HHAT: variants seen among roughly 807,000 people sequenced by gnomAD.
The protein encoded by HHAT is protein-cysteine N-palmitoyltransferase HHAT.
In HHAT, 47 loss-of-function variants were observed where a neutral mutation model predicts 70.8. That is an observed-to-expected ratio of 0.66 (90% CI 0.53 to 0.85). The LOEUF is 0.85. Among genes scored for constraint, HHAT ranks in the 40% least tolerant of loss-of-function variants. The pLI is 0.00. For synonymous variants in HHAT, 228 were observed against 247.6 expected (o/e 0.92, Z 0.74); for missense variants, 609 against 604.8 (o/e 1.01, Z -0.07).
chr1:210,435,283 T>C (rs2093348211), intron 7 of HHAT, among the ~76,000 whole-genome samples: 1 of 151,960 alleles, frequency 6.6e-6, no homozygotes, highest in Non-Finnish European at 1.5e-5. Context: ...ATTCCATTCA[T>C]GTTTCTATAA....
At chr1:210,402,729 G>A (rs1408542849) in intron 5 of HHAT, among the ~76,000 whole-genome samples, 1 of 152,276 alleles carries the variant, frequency 6.6e-6, no homozygotes, top group Non-Finnish European at 1.5e-5. Flanking sequence ...AAAATCTTGG[G>A]CAGTGTTGGG....
chr1:210,425,218 A>G (rs1470058611), intron 7 of HHAT, among the ~76,000 whole-genome samples: 3 of 151,686 alleles, frequency 2.0e-5, no homozygotes, highest in Non-Finnish European at 4.4e-5. Flanking sequence ...TTCCTTGTAC[A>G]TTTAAGTTCT....
chr1:210,611,986 G>A (rs1287887902), intron 10 of HHAT, among the ~76,000 whole-genome samples: 1 of 151,994 alleles, frequency 6.6e-6, no homozygotes, highest in African/African-American at 2.4e-5. Flanking sequence ...TTGTATCTCT[G>A]CCATGTTTTG....
At chr1:210,336,304 T>TTTTTTTTTTTTTTTTTTA (rs1377437318) in intron 1 of HHAT, among the ~76,000 whole-genome samples, 7 of 144,802 alleles carry the variant, frequency 4.8e-5, no homozygotes, top group Admixed American at 6.9e-5. Context: ...TTTTTTTTTT[T>TTTTTTTTTTTTTTTTTTA]TTTTTTAGAG....
At chr1:210,528,604 C>T (rs1020887771) in intron 9 of HHAT, among the ~76,000 whole-genome samples, 4 of 152,226 alleles carry the variant, frequency 2.6e-5, no homozygotes, top group African/African-American at 9.7e-5. Flanking sequence ...GAAACTTTCA[C>T]TAGCAAATGC....
intron 8 of HHAT, among the ~76,000 whole-genome samples, chr1:210,505,519 A>C (rs1441031765): frequency 3.3e-5 from 5 of 152,134 alleles, no homozygotes; most frequent in Admixed American, 2.6e-4. Context: ...GGGCAGATAC[A>C]CTTTCAGGTC....
intron 7 of HHAT, among the ~76,000 whole-genome samples, chr1:210,429,420 T>G (rs1402308043): frequency 6.6e-6 from 1 of 151,818 alleles, no homozygotes; most frequent in African/African-American, 2.4e-5. Flanking sequence ...CAACCATGTT[T>G]TAAAATGATA....
upstream of HHAT, among the ~76,000 whole-genome samples, chr1:210,327,959 C>T (rs1473545237): frequency 6.6e-6 from 1 of 152,138 alleles, no homozygotes; most frequent in Non-Finnish European, 1.5e-5. Context: ...AAAGATAGCT[C>T]CAGCTCTTGG....
chr1:210,535,356 T>C (rs1006287486), intron 9 of HHAT, among the ~76,000 whole-genome samples: 2 of 152,168 alleles, frequency 1.3e-5, no homozygotes. Flanking sequence ...TATTGTAAGG[T>C]TGATTACTAG....
chr1:210,457,253 A>C (rs1572576702), intron 7 of HHAT, among the ~76,000 whole-genome samples: 1 of 152,240 alleles, frequency 6.6e-6, no homozygotes, highest in East Asian at 1.9e-4. Context: ...ATTATTCTTG[A>C]TTCGTCTTTA....
chr1:210,553,811 C>T (rs1284916670), intron 9 of HHAT, among the ~76,000 whole-genome samples: 2 of 152,208 alleles, frequency 1.3e-5, no homozygotes, highest in African/African-American at 4.8e-5. Flanking sequence ...CCTCTTCCCA[C>T]CTCTTCCTCT....
chr1:210,545,426 C>CT (rs1573206804), intron 9 of HHAT, among the ~76,000 whole-genome samples: 2 of 130,962 alleles, frequency 1.5e-5, no homozygotes, highest in Admixed American at 9.0e-5. Flanking sequence ...GTCATGACTT[C>CT]TTTTTTTTCC....
At chr1:210,369,477 A>G (rs1159093846) in intron 3 of HHAT, among the ~76,000 whole-genome samples, 1 of 152,222 alleles carries the variant, frequency 6.6e-6, no homozygotes, top group Non-Finnish European at 1.5e-5. Flanking sequence ...GAAGATTTTT[A>G]AGATTTGGCT....
intron 7 of HHAT, among the ~76,000 whole-genome samples, chr1:210,430,658 T>C (rs2093216417): frequency 6.6e-6 from 1 of 151,896 alleles, no homozygotes; most frequent in Non-Finnish European, 1.5e-5. Flanking sequence ...TGAATGACAG[T>C]TAAGAATCAT....
At chr1:210,632,335 A>G (rs1304541021) in intron 11 of HHAT, among the ~76,000 whole-genome samples, 1 of 152,180 alleles carries the variant, frequency 6.6e-6, no homozygotes, top group African/African-American at 2.4e-5. Flanking sequence ...GACACACAAG[A>G]AGTGGGTTTA....
At chr1:210,487,923 C>A (rs2094497096) in intron 8 of HHAT, among the ~76,000 whole-genome samples, 1 of 152,160 alleles carries the variant, frequency 6.6e-6, no homozygotes, top group Admixed American at 6.5e-5. Context: ...TCTCACCTAC[C>A]CATAATTTGC....
intron 8 of HHAT, among the ~76,000 whole-genome samples, chr1:210,508,458 T>C (rs1572920378): frequency 1.3e-5 from 2 of 152,194 alleles, no homozygotes; most frequent in South Asian, 4.1e-4. Context: ...TTTTAAAATA[T>C]CACATAAATT....
chr1:210,452,731 T>A (rs962107216), intron 7 of HHAT, among the ~76,000 whole-genome samples: 1 of 152,224 alleles, frequency 6.6e-6, no homozygotes, highest in Non-Finnish European at 1.5e-5. Flanking sequence ...TAATATTTCT[T>A]CAATTTATTA....
At chr1:210,468,414 C>A (rs1326558572) in intron 8 of HHAT, among the ~76,000 whole-genome samples, 2 of 152,336 alleles carry the variant, frequency 1.3e-5, no homozygotes, top group African/African-American at 4.8e-5. Context: ...TCCTGCACAG[C>A]TTGCCCTCTG....
Sources: allele counts gnomAD v4.1 joint callset (sites outside exome capture counted in the v4.1 genomes callset), GRCh38; gene constraint gnomAD v4.1.1; transcripts MANE v1.5; gene names NCBI Gene and HGNC (gene_info 2026-07-23, HGNC 2026-07-21).